Variants in HABP2 observed in about 807,000 individuals in gnomAD.
The protein encoded by HABP2 is factor VII-activating protease.
HABP2 carries 65 observed loss-of-function variants against 66.5 expected under a neutral mutation model. The observed-to-expected ratio is 0.98, with a 90% CI of 0.80 to 1.20. The LOEUF (loss-of-function observed/expected upper bound fraction) is 1.20. Among genes scored for constraint, HABP2 ranks in the 50% most tolerant of loss-of-function variants. The probability of loss-of-function intolerance (pLI) is 0.00; values close to 1 mark genes in which losing one functional copy is unlikely to be tolerated. For synonymous variants in HABP2, 263 were observed against 253.9 expected (o/e 1.04, Z -0.34); for missense variants, 786 against 691.0 (o/e 1.14, Z -1.54).
intron 8 of HABP2, among the ~76,000 whole-genome samples, chr10:113,580,953 A>G (rs562323205): frequency 6.2e-4 from 95 of 152,246 alleles, no homozygotes; most frequent in Non-Finnish European, 1.2e-3. Context: ...CCCTCAACAG[A>G]TATTTACCCA....
Position 113,577,197 on chromosome 10 carries a change from A to G in HABP2, c.379A>G (p.Ile127Val). The G allele has an allele frequency of 1.9e-6, 3 of 1,612,662 alleles. No homozygotes were observed. The highest frequency in any genetic ancestry group is 2.5e-6 in the Non-Finnish European group (3 of 1,178,628). ...CCCATGTGGCCGGGGCCAATGTCTC[A>G]TTACCCAGAGTCCTCCCTACTACCG... ...DNPCGRGQCL[I>V]TQSPPYYRCV... Residue 127 changes from isoleucine to valine, a missense_variant, in exon 5 of 13, where the codon ATT becomes GTT. Coordinates refer to ENST00000351270, the MANE Select transcript of HABP2 (RefSeq NM_004132.5).
intron 6 of HABP2, among the ~76,000 whole-genome samples, 178 bp from the exon 7 acceptor site, chr10:113,578,449 T>G (rs551664263): frequency 5.3e-5 from 8 of 152,348 alleles, no homozygotes; most frequent in African/African-American, 1.9e-4. Flanking sequence ...ATTTCATGTT[T>G]TAAGCAGGAT....
chr10:113,583,684 G>C lies in HABP2; in HGVS notation c.1237+326G>C, dbSNP rs569549886. Among the ~76,000 whole-genome samples, 10 of 152,252 alleles carry C rather than the reference G, an allele frequency of 6.6e-5. No individual in the cohort carries two copies. The South Asian group carries it at 2.1e-3, about 32-fold the overall frequency. On this transcript the variant is annotated intron_variant, in intron 10 of 12. Coordinates refer to ENST00000351270, the MANE Select transcript of HABP2 (RefSeq NM_004132.5). ...GCCCTCTTTTCTCTTCTATGAAATG[G>C]AAACACTGATGCACAACTCTCAGCT...
Position 113,575,960 on chromosome 10 carries a change from C to A in HABP2, c.287C>A (p.Thr96Lys). Residue 96 changes from threonine to lysine, a missense_variant, in exon 4 of 13, where the codon ACA becomes AAA. Thr to Lys is a moderately conservative substitution (Grantham distance 78). Transcript: ENST00000351270. ...GDCLVHGSTF[T>K]CSCLAPFSGN... ...TGCCTCGTCCATGGGAGCACCTTCA[C>A]ATGCAGCTGCCTGGCTCCTTTCTCT... 6.2e-7 allele frequency: 1 copy of A among 1,611,618 alleles called. No individual in the cohort carries two copies. The highest frequency in any genetic ancestry group is 8.5e-7 in the Non-Finnish European group (1 of 1,177,678).
chr10:113,576,913 GT>G (rs568691320), intron 4 of HABP2, among the ~76,000 whole-genome samples: 10 of 152,208 alleles, frequency 6.6e-5, no homozygotes, highest in South Asian at 2.1e-4. Context: ...AATTATCAAA[GT>G]TTTTTTATTA....
rs56348634 is a variant in HABP2 at position 113,562,982 on chromosome 10, T to C, written c.70-4507T>C. Among the ~76,000 whole-genome samples, 658 of 152,330 alleles carry C rather than the reference T, an allele frequency of 4.3e-3. 4 individuals carry two copies. The highest frequency in any genetic ancestry group is 0.015 in the African/African-American group (632 of 41,578). On this transcript the variant is annotated intron_variant, in intron 1 of 12. Coordinates refer to ENST00000351270, the MANE Select transcript of HABP2 (RefSeq NM_004132.5). The stretch of plus-strand genomic sequence containing the variant: ...TCCAGCATTTCCTAGTTAAGTTATT[T>C]TAGACAACTTAATATCTGAAAACCT...
chr10:113,574,466 G>A, intron 3 of HABP2, 61 bp downstream of exon 3: 2 of 805,144 alleles, frequency 2.5e-6, no homozygotes, highest in Middle Eastern at 2.3e-4. Context: ...AGTGTATGTG[G>A]GACCACATGC....
At chr10:113,552,121 C>T (rs1218672330), upstream of HABP2, among the ~76,000 whole-genome samples, 1 of 152,104 alleles carries the variant, frequency 6.6e-6, no homozygotes, top group Non-Finnish European at 1.5e-5. Flanking sequence ...GCCACTGATG[C>T]AGTCCACGTG....
Position 113,588,412 on chromosome 10 carries a change from C to T in HABP2, c.*43C>T, listed in dbSNP as rs372633809. On this transcript the variant is annotated 3_prime_UTR_variant, in exon 13 of 13. Transcript: ENST00000351270. ...CTCAGAGCCCACTCTCCTTGGCACC[C>T]TGACACCGGGAGGCCTCATGGCCAA... The T allele has an allele frequency of 2.0e-5, 30 of 1,529,682 alleles. No homozygotes were observed. Among genetic ancestry groups the T allele is most frequent in the Non-Finnish European group, 2.6e-5 (29 of 1,122,844 alleles). 94.8% of individuals were successfully genotyped at this position (1,529,682 alleles called of 1,614,324 possible). A position where few individuals can be genotyped will look rare whatever the true frequency, so the allele number is the denominator to read the frequency against.
chr10:113,582,220 G>T, intron 9 of HABP2, 89 bp downstream of exon 9: 2 of 1,320,306 alleles, frequency 1.5e-6, no homozygotes, highest in Non-Finnish European at 1.0e-6. Context: ...TTGTAGCTCT[G>T]TCAGGATTAG....
In HABP2 at chr10:113,585,785, C is replaced by T; in HGVS notation, c.1373-8C>T. ...GTAGTGACTCTTTTCTCTGCACCTTCCCCACAGGAAAAGGGTCCCGCCAGC... is the reference window on the plus strand; with the variant it reads ...GTAGTGACTCTTTTCTCTGCACCTTTCCCACAGGAAAAGGGTCCCGCCAGC... On this transcript the variant is annotated splice_region_variant and splice_polypyrimidine_tract_variant and intron_variant, in intron 11 of 12. Coordinates refer to ENST00000351270, the MANE Select transcript of HABP2 (RefSeq NM_004132.5). The T allele has an allele frequency of 6.2e-7, 1 of 1,611,652 alleles. No homozygotes were observed. Among genetic ancestry groups the T allele is most frequent in the Non-Finnish European group, 8.5e-7 (1 of 1,177,776 alleles).
At chr10:113,586,893 A>G (rs949777997) in intron 12 of HABP2, among the ~76,000 whole-genome samples, 2 of 152,184 alleles carry the variant, frequency 1.3e-5, no homozygotes, top group Non-Finnish European at 2.9e-5. Context: ...TCCTCTCTCC[A>G]GGGTTTGTGG....
intron 2 of HABP2, among the ~76,000 whole-genome samples, chr10:113,572,140 G>T (rs1194175803): frequency 6.6e-6 from 1 of 152,228 alleles, no homozygotes; most frequent in Admixed American, 6.5e-5. Flanking sequence ...TATCCATCTT[G>T]ACTGAGGCCC....
Position 113,583,350 on chromosome 10 carries a change from A to G in HABP2, c.1229A>G (p.Asn410Ser), listed in dbSNP as rs1845576213. Residue 410 changes from asparagine to serine, a missense_variant, in exon 10 of 13, where the codon AAT becomes AGT. By Grantham distance (46) the Asn-to-Ser change is conservative (BLOSUM62 1). Transcript: ENST00000351270. ...AATGAAAGAGATGAGATTCCCCACA[A>G]TGATATTGGCAAGTTCCTCTTTCAT... ...HYNERDEIPH[N>S]DIALLKLKPV... 8.1e-6 allele frequency: 13 copies of G among 1,612,656 alleles called. No individual in the cohort carries two copies. Among genetic ancestry groups the G allele is most frequent in the Middle Eastern group, 3.3e-4 (2 of 6,080 alleles).
intron 12 of HABP2, among the ~76,000 whole-genome samples, chr10:113,587,523 G>C (rs925181019): frequency 6.6e-6 from 1 of 152,118 alleles, no homozygotes; most frequent in African/African-American, 2.4e-5. Flanking sequence ...AAGATCACAA[G>C]GTCGTGGCTA....
At position 113,584,179 on chromosome 10, in the gene HABP2, C is replaced by T; in HGVS notation, c.1269C>T (p.His423=). 1 of 1,613,672 alleles carries T rather than the reference C, an allele frequency of 6.2e-7. No individual in the cohort carries two copies. The highest frequency in any genetic ancestry group is 8.5e-7 in the Non-Finnish European group (1 of 1,179,586). ...ALLKLKPVDG[H]CALESKYVKT... is the part of the protein sequence containing the mutation. The stretch of plus-strand genomic sequence containing the variant: ...TCAAGTTAAAGCCAGTGGATGGTCA[C>T]TGTGCTCTAGAATCCAAATACGTGA... The change falls in exon 11 of 13, where the codon CAC becomes CAT. Residue 423 remains histidine (H), a synonymous_variant. Coordinates refer to ENST00000351270, the MANE Select transcript of HABP2 (RefSeq NM_004132.5).
intron 2 of HABP2, among the ~76,000 whole-genome samples, chr10:113,573,448 T>G (rs1845350821): frequency 6.6e-6 from 1 of 152,206 alleles, no homozygotes; most frequent in South Asian, 2.1e-4. Flanking sequence ...CAAGGGTAAG[T>G]GTGGGAGTAC....
At chr10:113,586,320 G>A (rs935526437) in intron 12 of HABP2, among the ~76,000 whole-genome samples, 1 of 152,160 alleles carries the variant, frequency 6.6e-6, no homozygotes, top group Non-Finnish European at 1.5e-5. Context: ...AGGGGCTTGT[G>A]GCCTCAGTGT....
chr10:113,578,921 G>A, intron 7 of HABP2, 123 bp downstream of exon 7: 1 of 682,574 alleles, frequency 1.5e-6, no homozygotes, highest in Admixed American at 2.4e-5. Flanking sequence ...TTATGCTGCT[G>A]TAGTAAACAA....
Sources: gnomAD v4.1 joint callset for allele counts (sites outside exome capture counted in the v4.1 genomes callset) on GRCh38, gnomAD v4.1.1 for gene constraint, MANE v1.5 for transcripts, NCBI Gene and HGNC (gene_info 2026-07-23, HGNC 2026-07-21) for gene names.